HOOK1: variants seen among roughly 807,000 people sequenced by gnomAD.
The protein encoded by HOOK1 is hook microtubule tethering protein 1, also known as protein Hook homolog 1.
In HOOK1, 60 loss-of-function variants were observed where a neutral mutation model predicts 112.8. That is an observed-to-expected ratio of 0.53 (90% CI 0.43 to 0.66). The LOEUF (loss-of-function observed/expected upper bound fraction) is 0.66, where lower values mean the gene tolerates loss of function less well. Among genes scored for constraint, HOOK1 ranks in the 30% least tolerant of loss-of-function variants. The pLI, the probability that HOOK1 is intolerant of heterozygous loss-of-function variation, is 0.00. For synonymous variants in HOOK1, 294 were observed against 283.8 expected (o/e 1.04, Z -0.36); for missense variants, 770 against 856.0 (o/e 0.90, Z 1.25).
intron 3 of HOOK1, among the ~76,000 whole-genome samples, chr1:59,831,330 T>C (rs2098393828): frequency 6.6e-6 from 1 of 152,172 alleles, no homozygotes; most frequent in African/African-American, 2.4e-5. Context: ...CTGTGACCTT[T>C]TTGGGGGTCT....
At position 59,875,981 on chromosome 1, in the gene HOOK1, G is replaced by A. The variant is rs1644122070; in HGVS notation, c.*3016G>A. 1 of 152,640 alleles carries A rather than the reference G, an allele frequency of 6.6e-6. No individual in the cohort carries two copies. Among genetic ancestry groups the A allele is most frequent in the Non-Finnish European group, 1.5e-5 (1 of 68,036 alleles). The allele number at this position is 152,640 out of a possible 1,614,324, so 9.5% of individuals were successfully genotyped here. A position where few individuals can be genotyped will look rare whatever the true frequency, so the allele number is the denominator to read the frequency against. On this transcript the variant is annotated 3_prime_UTR_variant, in exon 22 of 22. Coordinates refer to ENST00000371208, the MANE Select transcript of HOOK1 (RefSeq NM_015888.6). Reference sequence around the variant, plus strand: ...TAGGGCACTTCTGACCCTGGGGCTTGGGGATGGCCTTTAGGCCACAGTAGT... The same window carrying A: ...TAGGGCACTTCTGACCCTGGGGCTTAGGGATGGCCTTTAGGCCACAGTAGT...
chr1:59,871,183 T>C, intron 21 of HOOK1, 73 bp downstream of exon 21: 1 of 927,068 alleles, frequency 1.1e-6, no homozygotes, highest in Middle Eastern at 2.2e-4. Flanking sequence ...AAGTACAACA[T>C]AAGAAAATAT....
At chr1:59,849,587 T>G (rs2098406038) in intron 12 of HOOK1, among the ~76,000 whole-genome samples, 1 of 151,626 alleles carries the variant, frequency 6.6e-6, no homozygotes. Context: ...TAATCATACT[T>G]TAGAACACTG....
At chr1:59,842,510 A>G (rs2098401545) in intron 8 of HOOK1, among the ~76,000 whole-genome samples, 1 of 152,102 alleles carries the variant, frequency 6.6e-6, no homozygotes, top group Non-Finnish European at 1.5e-5. Flanking sequence ...GAAGACAGTA[A>G]CTTGCCTATA....
intron 2 of HOOK1, 99 bp downstream of exon 2, chr1:59,822,042 T>C: frequency 1.1e-6 from 1 of 911,734 alleles, no homozygotes; most frequent in Non-Finnish European, 1.8e-6. Flanking sequence ...TGCAACTTTA[T>C]CTTACCCAGT....
intron 12 of HOOK1, among the ~76,000 whole-genome samples, chr1:59,857,672 T>C (rs1340089987): frequency 1.3e-5 from 2 of 152,172 alleles, no homozygotes; most frequent in Non-Finnish European, 2.9e-5. Flanking sequence ...TAGGGCTTTG[T>C]TTATTGACTT....
Position 59,847,807 on chromosome 1 carries a change from GTTTA to G in HOOK1, c.930-504_930-501del, listed in dbSNP as rs752606989. Among the ~76,000 whole-genome samples, 72 of 151,584 alleles carry G rather than the reference GTTTA, an allele frequency of 4.7e-4. 1 individual carries two copies. Among genetic ancestry groups the G allele is most frequent in the Non-Finnish European group, 1.3e-4 (9 of 67,656 alleles). On this transcript the variant is annotated intron_variant, in intron 10 of 21. Coordinates refer to ENST00000371208, the MANE Select transcript of HOOK1 (RefSeq NM_015888.6). The stretch of plus-strand genomic sequence containing the variant: ...CTGCTTGCGATAGTGAAGTGATTTG[GTTTA>G]TTTGTTTGTTCGTTTATTTATATAT...
intron 12 of HOOK1, among the ~76,000 whole-genome samples, chr1:59,851,464 G>A (rs1052437434): frequency 1.3e-5 from 2 of 151,410 alleles, no homozygotes; most frequent in African/African-American, 4.8e-5. Context: ...TTTTGGATTT[G>A]TTAACTGCTA....
At chr1:59,868,372 C>T (rs768049602) in intron 20 of HOOK1, 21 bp downstream of exon 20, 3 of 1,310,868 alleles carry the variant, frequency 2.3e-6, no homozygotes, top group Non-Finnish European at 3.3e-6. Context: ...TATATTTACT[C>T]ATCTTTTAGT....
In HOOK1 at chr1:59,854,961, A is replaced by C. The variant is rs200156708; in HGVS notation, c.1243-3467A>C. 6.6e-5 allele frequency among the ~76,000 whole-genome samples: 10 copies of C among 152,234 alleles called. No homozygotes were observed. In the East Asian group the frequency reaches 1.9e-3, roughly 29 times the overall value. On this transcript the variant is annotated intron_variant, in intron 12 of 21. Transcript: ENST00000371208. ...ACATGGTAAAACAACGACAACAAGC[A>C]GTCAACAGAAACAGCCAGTGAGGTG...
chr1:59,824,168 CAT>C (rs1481077915), intron 2 of HOOK1, among the ~76,000 whole-genome samples: 3 of 151,832 alleles, frequency 2.0e-5, no homozygotes, highest in Non-Finnish European at 2.9e-5. Context: ...TTAATTTTAC[CAT>C]ATGTCTTTGA....
In HOOK1 at chr1:59,815,005, C is replaced by G. The variant is rs534301796; in HGVS notation, c.-113C>G. On this transcript the variant is annotated 5_prime_UTR_variant, in exon 1 of 22. Coordinates refer to ENST00000371208, the MANE Select transcript of HOOK1 (RefSeq NM_015888.6). ...TCGCGCGTGAGCTGCGCGGGTCGGG[C>G]CTGGTACCGAGCTTTCCTGGGGGCT... is the stretch of plus-strand genomic sequence containing the variant. The G allele has an allele frequency of 3.8e-5, 42 of 1,105,256 alleles. No individual in the cohort carries two copies. Among genetic ancestry groups the G allele is most frequent in the Admixed American group, 1.2e-4 (6 of 49,002 alleles). 68.5% of individuals were successfully genotyped at this position (1,105,256 alleles called of 1,614,324 possible).
chr1:59,833,494 C>G lies in HOOK1; in HGVS notation c.363C>G (p.Leu121=). 1 of 1,590,350 alleles carries G rather than the reference C, an allele frequency of 6.3e-7. No homozygotes were observed. Among genetic ancestry groups the G allele is most frequent in the Non-Finnish European group, 8.6e-7 (1 of 1,164,104 alleles). The stretch of plus-strand genomic sequence containing the variant: ...ATCCAGTGGAGCTTGGGAGGTTGCT[C>G]CAGCTTATTTTAGGTTGTGCGATCA... ...CSDPVELGRL[L]QLILGCAINC... is the part of the protein sequence containing the mutation. The change falls in exon 5 of 22, where the codon CTC becomes CTG. Residue 121 remains leucine, a synonymous_variant. Coordinates refer to ENST00000371208, the MANE Select transcript of HOOK1 (RefSeq NM_015888.6).
intron 20 of HOOK1, among the ~76,000 whole-genome samples, chr1:59,868,981 A>G (rs752178783): frequency 1.2e-4 from 19 of 152,200 alleles, no homozygotes; most frequent in Non-Finnish European, 2.5e-4. Context: ...GTATGTCACT[A>G]TGGAATTCTG....
chr1:59,874,244 A>AGAAAGT lies in HOOK1; in HGVS notation c.*1279_*1280insGAAAGT, dbSNP rs1438781597. 1 of 152,166 alleles carries AGAAAGT rather than the reference A, an allele frequency of 6.6e-6. No homozygotes were observed. Among genetic ancestry groups the AGAAAGT allele is most frequent in the East Asian group, 1.9e-4 (1 of 5,190 alleles). 9.4% of individuals were successfully genotyped at this position (152,166 alleles called of 1,614,324 possible). A position where few individuals can be genotyped will look rare whatever the true frequency, so the allele number is the denominator to read the frequency against. On this transcript the variant is annotated 3_prime_UTR_variant, in exon 22 of 22. Transcript: ENST00000371208. Reference sequence around the variant, plus strand: ...GACAGGGCAGCTATAGAATATTTCCATCATTGCAGAAAGTTCTATTGGATA... The same window carrying AGAAAGT: ...GACAGGGCAGCTATAGAATATTTCCAGAAAGTTCATTGCAGAAAGTTCTATTGGATA...
At chr1:59,848,216 C>CT (rs1479112994) in intron 10 of HOOK1, 99 bp from the exon 11 acceptor site, 2 of 851,220 alleles carry the variant, frequency 2.3e-6, no homozygotes, top group Non-Finnish European at 3.6e-6. Flanking sequence ...TTTCTTTTTT[C>CT]TTTTTTGTGA....
In HOOK1 at chr1:59,873,592, AT is replaced by A. The variant is rs1644090509; in HGVS notation, c.*629del. The A allele has an allele frequency of 6.6e-6, 1 of 151,612 alleles. No homozygotes were observed. The highest frequency in any genetic ancestry group is 2.1e-4 in the South Asian group (1 of 4,806). 9.4% of individuals were successfully genotyped at this position (151,612 alleles called of 1,614,324 possible). On this transcript the variant is annotated 3_prime_UTR_variant, in exon 22 of 22. Coordinates refer to ENST00000371208, the MANE Select transcript of HOOK1 (RefSeq NM_015888.6). ...AATTGACTAATTGGAAATTTTGCAT[AT>A]TCTGAAAATCTAATCTCATAGTTCT...
intron 15 of HOOK1, among the ~76,000 whole-genome samples, chr1:59,862,500 C>T (rs1265357771): frequency 6.6e-5 from 10 of 151,950 alleles, no homozygotes; most frequent in African/African-American, 2.4e-4. Context: ...GATTTTTCTA[C>T]CAGTGAGTGC....
chr1:59,833,103 A>G (rs566266793), intron 4 of HOOK1, among the ~76,000 whole-genome samples: 13 of 152,238 alleles, frequency 8.5e-5, no homozygotes, highest in African/African-American at 1.7e-4. Flanking sequence ...ATGGACAGGC[A>G]TAAGTTTTAT....
Sources: gnomAD v4.1 joint callset for allele counts (sites outside exome capture counted in the v4.1 genomes callset) on GRCh38, gnomAD v4.1.1 for gene constraint, MANE v1.5 for transcripts, NCBI Gene and HGNC (gene_info 2026-07-23, HGNC 2026-07-21) for gene names.